TCF4: variants seen among roughly 807,000 people sequenced by gnomAD.
TCF4 encodes the protein transcription factor 4, also known as SL3-3 enhancer factor 2.
Under a neutral mutation model 82.1 loss-of-function variants are expected in TCF4, and 3 were observed. The ratio of observed to expected loss-of-function variants is 0.04; its 90% CI spans 0.02 to 0.09. TCF4 has a LOEUF of 0.09. Among genes scored for constraint, TCF4 ranks in the 10% least tolerant of loss-of-function variants. The pLI is 1.00. For missense variants in TCF4, 518 were observed against 852.7 expected, an observed-to-expected ratio of 0.61 and a Z score of 4.89; for synonymous variants, 276 against 309.6, an observed-to-expected ratio of 0.89 and a Z score of 1.14.
intron 5 of TCF4, chr18:55,422,263 G>A (rs1384304718): frequency 1.1e-5 from 11 of 985,204 alleles, no homozygotes; most frequent in Non-Finnish European, 1.3e-5. Context: ...TCGCCAAAAA[G>A]CATGTGGATG....
At chr18:55,371,595 T>C (rs898609320) in intron 6 of TCF4, among the ~76,000 whole-genome samples, 1 of 152,158 alleles carries the variant, frequency 6.6e-6, no homozygotes, top group Non-Finnish European at 1.5e-5. Context: ...GGAACTTTAC[T>C]AGATACCAAG....
chr18:55,503,600 A>C (rs1393876621), intron 3 of TCF4, among the ~76,000 whole-genome samples: 1 of 152,192 alleles, frequency 6.6e-6, no homozygotes, highest in Non-Finnish European at 1.5e-5. Context: ...CTGACTCATA[A>C]CTTCCAACAA....
At chr18:55,580,641 T>A (rs2097566392) in intron 3 of TCF4, among the ~76,000 whole-genome samples, 1 of 151,976 alleles carries the variant, frequency 6.6e-6, no homozygotes. Flanking sequence ...TAGACACATT[T>A]TTAAAAATGC....
At chr18:55,560,239 T>C (rs914147550) in intron 3 of TCF4, among the ~76,000 whole-genome samples, 1 of 152,158 alleles carries the variant, frequency 6.6e-6, no homozygotes, top group Non-Finnish European at 1.5e-5. Context: ...ATATATGCAG[T>C]GCGTAATGCA....
intron 5 of TCF4, among the ~76,000 whole-genome samples, chr18:55,406,079 C>A (rs1055598114): frequency 6.8e-6 from 1 of 147,720 alleles, no homozygotes; most frequent in African/African-American, 2.5e-5. Context: ...TCGAAGTCTG[C>A]GAGGTACCAA....
intron 6 of TCF4, among the ~76,000 whole-genome samples, chr18:55,390,093 T>A (rs1442254664): frequency 6.6e-6 from 1 of 152,004 alleles, no homozygotes; most frequent in Non-Finnish European, 1.5e-5. Flanking sequence ...ATTTGGTAAT[T>A]GCCAAATTTT....
intron 15 of TCF4, among the ~76,000 whole-genome samples, chr18:55,252,250 C>T (rs1038630925): frequency 1.3e-5 from 2 of 151,882 alleles, no homozygotes; most frequent in Non-Finnish European, 2.9e-5. Flanking sequence ...TTTGGAGTTA[C>T]GCTATGATCT....
chr18:55,358,913 A>G (rs570176403), intron 6 of TCF4, among the ~76,000 whole-genome samples: 14 of 152,202 alleles, frequency 9.2e-5, no homozygotes, highest in Non-Finnish European at 1.8e-4. Flanking sequence ...TAGATAATAC[A>G]AAGTGCTTAG....
intron 3 of TCF4, among the ~76,000 whole-genome samples, chr18:55,491,268 T>A (rs1202356247): frequency 6.6e-6 from 1 of 151,998 alleles, no homozygotes; most frequent in Non-Finnish European, 1.5e-5. Context: ...CAGACCATCA[T>A]GGGGGCGGGA....
chr18:55,296,012 T>C (rs8096841), intron 8 of TCF4, among the ~76,000 whole-genome samples: 1 of 152,168 alleles, frequency 6.6e-6, no homozygotes, highest in Non-Finnish European at 1.5e-5. Context: ...AGCTCACTCA[T>C]AGTAGGCATT....
At chr18:55,522,965 ACT>A (rs2096944623) in intron 3 of TCF4, among the ~76,000 whole-genome samples, 1 of 152,114 alleles carries the variant, frequency 6.6e-6, no homozygotes, top group Non-Finnish European at 1.5e-5. Context: ...TTGTTGGGAC[ACT>A]AAGAGTATAA....
At chr18:55,573,740 C>T (rs1311790589) in intron 3 of TCF4, among the ~76,000 whole-genome samples, 1 of 152,228 alleles carries the variant, frequency 6.6e-6, no homozygotes, top group Non-Finnish European at 1.5e-5. Context: ...GCAAACTCTT[C>T]TCAGGCCACA....
At chr18:55,262,844 T>C (rs1050332823) in intron 11 of TCF4, among the ~76,000 whole-genome samples, 1 of 152,356 alleles carries the variant, frequency 6.6e-6, no homozygotes, top group African/African-American at 2.4e-5. Context: ...TCTTGTTCTG[T>C]TGCCCAGGCT....
At chr18:55,371,490 C>A (rs2089146489) in intron 6 of TCF4, among the ~76,000 whole-genome samples, 1 of 152,188 alleles carries the variant, frequency 6.6e-6, no homozygotes, top group Non-Finnish European at 1.5e-5. Context: ...TGGAGACTAT[C>A]ACATATGTTA....
At chr18:55,355,067 A>C (rs2083169285) in intron 6 of TCF4, among the ~76,000 whole-genome samples, 1 of 152,166 alleles carries the variant, frequency 6.6e-6, no homozygotes, top group Admixed American at 6.5e-5. Flanking sequence ...TCTAGTACTC[A>C]CACAGCTGCA....
At chr18:55,623,774 T>C (rs920338568) in intron 2 of TCF4, among the ~76,000 whole-genome samples, 3 of 152,166 alleles carry the variant, frequency 2.0e-5, no homozygotes, top group Non-Finnish European at 4.4e-5. Context: ...AATTGGAGTT[T>C]TGCAGCTAGA....
At chr18:55,302,683 G>A in intron 8 of TCF4, 1 of 1,384,922 alleles carries the variant, frequency 7.2e-7, no homozygotes, top group African/African-American at 1.4e-5. Context: ...GGAGGGCCTA[G>A]GATGAGACCG....
intron 8 of TCF4, among the ~76,000 whole-genome samples, chr18:55,291,267 T>A (rs1279297659): frequency 6.6e-6 from 1 of 152,204 alleles, no homozygotes; most frequent in Admixed American, 6.5e-5. Context: ...GTCTAAGGAA[T>A]CTGGTGGACA....
At chr18:55,254,822 G>A in intron 14 of TCF4, 122 bp from the exon 15 acceptor site, 1 of 915,648 alleles carries the variant, frequency 1.1e-6, no homozygotes, top group Non-Finnish European at 1.7e-6. Flanking sequence ...CCAATAAAAT[G>A]TATTTCCTTA....
Sources: gnomAD v4.1 joint callset for allele counts (sites outside exome capture counted in the v4.1 genomes callset) on GRCh38, gnomAD v4.1.1 for gene constraint, MANE v1.5 for transcripts, NCBI Gene and HGNC (gene_info 2026-07-23, HGNC 2026-07-21) for gene names.